The following CEP164 variants were observed in gnomAD, a reference collection of about 807,000 sequenced individuals.
CEP164 encodes centrosomal protein 164.
Under a neutral mutation model 182.7 loss-of-function variants are expected in CEP164, and 162 were observed. That is an observed-to-expected ratio of 0.89 (90% CI 0.78 to 1.01). The LOEUF (loss-of-function observed/expected upper bound fraction) is 1.01, where lower values mean the gene tolerates loss of function less well. Ranked by LOEUF, CEP164 falls within the 50% of genes least tolerant of loss-of-function variation. The pLI is 0.00. For missense variants in CEP164, 1,735 were observed against 1,790.4 expected (o/e 0.97, Z 0.56); for synonymous variants, 661 against 690.0 (o/e 0.96, Z 0.66).
chr11:117,392,860 A>G (rs1003914460), intron 19 of CEP164, 144 bp from the exon 20 acceptor site: 1 of 1,329,572 alleles, frequency 7.5e-7, no homozygotes, highest in African/African-American at 1.4e-5. Context: ...TGTGCTGACC[A>G]TGGTGTCATG....
Position 117,390,987 on chromosome 11 carries a change from G to T in CEP164, c.2067-12G>T, listed in dbSNP as rs1317442090. 4 of 1,613,994 alleles carry T rather than the reference G, an allele frequency of 2.5e-6. No individual in the cohort carries two copies. In the African/African-American group the frequency reaches 5.3e-5, roughly 22 times the overall value. On this transcript the variant is annotated splice_polypyrimidine_tract_variant and intron_variant, in intron 16 of 32. Coordinates refer to ENST00000278935, the MANE Select transcript of CEP164 (RefSeq NM_014956.5). ...TGCACAGGCCCGTTACCATTCCACT[G>T]TGTCCACCCAGGGCTGAGCAAGAGG...
At chr11:117,407,457 C>CAAAAAAAAAAAAAAAAAAAAAAGGAA (rs2046823833) in intron 27 of CEP164, among the ~76,000 whole-genome samples, 1 of 69,030 alleles carries the variant, frequency 1.4e-5, no homozygotes, top group African/African-American at 5.2e-5. Context: ...TCTGTCTCTA[C>CAAAAAAAAAAAAAAAAAAAAAAGGAA]AAAAAAAAAA....
rs185533532 is a variant in CEP164 at position 117,355,104 on chromosome 11, G to A, written c.393+3116G>A. On this transcript the variant is annotated intron_variant, in intron 5 of 32. Transcript: ENST00000278935. ...GGCATGCTGGGTGACACTCCCTGGC[G>A]TTTCATGGGTGCCCTTCCCAGAAAG... 1.3e-4 allele frequency: 171 copies of A among 1,289,786 alleles called. 1 individual carries two copies. The Admixed American group carries it at 2.7e-3, about 21-fold the overall frequency. The allele number at this position is 1,289,786 out of a possible 1,614,324, so 79.9% of individuals were successfully genotyped here. A position where few individuals can be genotyped will look rare whatever the true frequency, so the allele number is the denominator to read the frequency against.
intron 15 of CEP164, among the ~76,000 whole-genome samples, chr11:117,389,960 GGA>G (rs1413593072): frequency 1.5e-5 from 1 of 66,240 alleles, no homozygotes; most frequent in Non-Finnish European, 3.0e-5. Flanking sequence ...TTTTTTTTTT[GGA>G]GATAGAGTCT....
At chr11:117,338,141 G>A (rs949908650) in intron 2 of CEP164, among the ~76,000 whole-genome samples, 25 of 152,120 alleles carry the variant, frequency 1.6e-4, no homozygotes, top group African/African-American at 6.0e-4. Flanking sequence ...GATATGAATC[G>A]GGACATCCAG....
At chr11:117,342,176 C>T (rs475385) in intron 3 of CEP164, among the ~76,000 whole-genome samples, 34,707 of 152,010 alleles carry the variant, frequency 0.23, 4,082 homozygotes, top group African/African-American at 0.28. Context: ...TTTTTTCTTA[C>T]TCATGGCTCA....
Position 117,380,682 on chromosome 11 carries a change from G to A in CEP164, c.1386G>A (p.Lys462=). ...SQSSQDELQS[K]QSKGLEERLS... ...CCAGCCAAGATGAGCTGCAGAGCAA[G>A]CAGTCCAAAGGCCTGGAGGAGAGGT... is the stretch of plus-strand genomic sequence containing the variant. The change falls in exon 12 of 33, where the codon AAG becomes AAA. Residue 462 remains lysine, a synonymous_variant. Transcript: ENST00000278935. 6.2e-7 allele frequency: 1 copy of A among 1,607,342 alleles called. No individual in the cohort carries two copies. The highest frequency in any genetic ancestry group is 8.5e-7 in the Non-Finnish European group (1 of 1,177,036).
chr11:117,351,793 G>A lies in CEP164; in HGVS notation c.198G>A (p.Gln66=). The change falls in exon 5 of 33, where the codon CAG becomes CAA. Residue 66 remains glutamine, a synonymous_variant. Coordinates refer to ENST00000278935, the MANE Select transcript of CEP164 (RefSeq NM_014956.5). ...APLPGEWKPC[Q]DITGDIYYFN... is the part of the protein sequence containing the mutation. ...TCTGAACTCTGCCCATCCCCAGCCAGGACATCACAGGTGACATTTACTATT... is the reference window on the plus strand; with the variant it reads ...TCTGAACTCTGCCCATCCCCAGCCAAGACATCACAGGTGACATTTACTATT... 6.2e-7 allele frequency: 1 copy of A among 1,613,408 alleles called. No homozygotes were observed. The highest frequency in any genetic ancestry group is 8.5e-7 in the Non-Finnish European group (1 of 1,179,850).
At position 117,411,827 on chromosome 11, in the gene CEP164, C is replaced by T. The variant is rs751023416; in HGVS notation, c.4196C>T (p.Ser1399Leu). ...CTCCGGCTCCTACAGCACTCCCATT[C>T]GCAAGTCCCTGAGGCGGGCAGCACC... ...EQLRLLQHSHSQVPEAGSTTF... is the reference protein window; with the variant it reads ...EQLRLLQHSHLQVPEAGSTTF... Residue 1399 changes from serine to leucine, a missense_variant, in exon 32 of 33, where the codon TCG becomes TTG. By Grantham distance (145) the Ser-to-Leu change is moderately radical. Coordinates refer to ENST00000278935, the MANE Select transcript of CEP164 (RefSeq NM_014956.5). The surrounding 1 kb of genome is among the most constrained non-coding windows in gnomAD (Gnocchi z 4.4). 58 of 1,614,060 alleles carry T rather than the reference C, an allele frequency of 3.6e-5. No individual in the cohort carries two copies. The highest frequency in any genetic ancestry group is 3.2e-4 in the South Asian group (29 of 91,076).
intron 5 of CEP164, chr11:117,356,597 A>G (rs1363460877): frequency 3.1e-6 from 4 of 1,286,706 alleles, no homozygotes; most frequent in Non-Finnish European, 4.1e-6. Flanking sequence ...AGAGCCAGGC[A>G]AGATGCAGCA....
intron 5 of CEP164, 25 bp downstream of exon 5, chr11:117,352,013 A>T: frequency 6.5e-7 from 1 of 1,548,060 alleles, no homozygotes; most frequent in Non-Finnish European, 8.7e-7. Context: ...GCCTCCTCCC[A>T]GAGAGGCCAG....
At chr11:117,355,502 A>T in intron 5 of CEP164, 1 of 1,289,106 alleles carries the variant, frequency 7.8e-7, no homozygotes, top group Non-Finnish European at 1.0e-6. Context: ...ACTGAGCCCC[A>T]CTGGCCCTGG....
intron 5 of CEP164, 43 bp downstream of exon 5, chr11:117,352,031 A>C: frequency 1.3e-6 from 2 of 1,512,508 alleles, no homozygotes; most frequent in South Asian, 2.4e-5. Flanking sequence ...CAGGGCTGAA[A>C]TCTGGAGGGA....
intron 1 of CEP164, among the ~76,000 whole-genome samples, chr11:117,331,195 A>G (rs927044901): frequency 5.9e-5 from 9 of 152,228 alleles, no homozygotes; most frequent in African/African-American, 1.9e-4. Flanking sequence ...GGTAGCCACA[A>G]TATTGAAGGA....
At chr11:117,351,728 CTT>C in intron 4 of CEP164, 60 bp from the exon 5 acceptor site, 4 of 1,332,722 alleles carry the variant, frequency 3.0e-6, no homozygotes, top group South Asian at 2.8e-5. Flanking sequence ...TTTTTCCCCT[CTT>C]TTTTTTTTCT....
chr11:117,394,198 T>G lies in CEP164; in HGVS notation c.2617-152T>G. The G allele has an allele frequency of 9.3e-7, 1 of 1,079,920 alleles. No individual in the cohort carries two copies. The highest frequency in any genetic ancestry group is 1.3e-6 in the Non-Finnish European group (1 of 756,868). 66.9% of individuals were successfully genotyped at this position (1,079,920 alleles called of 1,614,324 possible). ...GCTGGGGCCAGGGCCGGTGCTGTGC[T>G]TGTAACCCTCCTCTTCTCCAAGAGC... On this transcript the variant is annotated intron_variant, in intron 20 of 32. Coordinates refer to ENST00000278935, the MANE Select transcript of CEP164 (RefSeq NM_014956.5). This position sits in a 1 kb window ranked among gnomAD's most constrained non-coding sequence, Gnocchi z 4.0.
chr11:117,342,101 C>T (rs2038210728), intron 3 of CEP164, among the ~76,000 whole-genome samples: 1 of 152,086 alleles, frequency 6.6e-6, no homozygotes, highest in Admixed American at 6.6e-5. Context: ...GTATATTTAT[C>T]TGTTTACTTC....
chr11:117,333,471 A>G (rs577757489), intron 1 of CEP164, among the ~76,000 whole-genome samples: 1 of 152,258 alleles, frequency 6.6e-6, no homozygotes, highest in South Asian at 2.1e-4. Context: ...GTGTACTCCT[A>G]GTAGCTTCTG....
intron 23 of CEP164, 142 bp downstream of exon 23, chr11:117,395,333 C>T: frequency 8.7e-7 from 1 of 1,153,040 alleles, no homozygotes; most frequent in Non-Finnish European, 1.2e-6. Context: ...ACAAATAGTG[C>T]CACTCTGTGG....
Sources: gnomAD v4.1 joint callset for allele counts (sites outside exome capture counted in the v4.1 genomes callset) on GRCh38, gnomAD v4.1.1 for gene constraint, Gnocchi (gnomAD v3.1) non-coding constraint, MANE v1.5 for transcripts, NCBI Gene and HGNC (gene_info 2026-07-23, HGNC 2026-07-21) for gene names.